NKAIN3: variants seen among roughly 807,000 people sequenced by gnomAD.
The protein encoded by NKAIN3 is sodium/potassium transporting ATPase interacting 3.
In NKAIN3, 25 loss-of-function variants were observed where a neutral mutation model predicts 30.2. That is an observed-to-expected ratio of 0.83 (90% CI 0.60 to 1.16). The LOEUF is 1.16. Ranked by LOEUF, NKAIN3 falls within the 50% of genes most tolerant of loss-of-function variation. The pLI is 0.00. For missense variants in NKAIN3, 225 were observed against 254.1 expected (o/e 0.89, Z 0.78); for synonymous variants, 91 against 89.6 (o/e 1.02, Z -0.09).
chr8:62,356,360 T>C lies in NKAIN3; in HGVS notation c.54+107233T>C, dbSNP rs543358983. 7.2e-5 allele frequency among the ~76,000 whole-genome samples: 11 copies of C among 152,294 alleles called. No homozygotes were observed. In the South Asian group the frequency reaches 2.1e-3, roughly 29 times the overall value. On this transcript the variant is annotated intron_variant, in intron 1 of 6. Coordinates refer to ENST00000623646, the MANE Select transcript of NKAIN3 (RefSeq NM_001304533.3). The stretch of plus-strand genomic sequence containing the variant: ...TACTGCTGGTGTCTGAGAGTAGTTA[T>C]GAGTGTTAGATAAAATAATGAATAT...
chr8:62,720,070 G>A (rs1321975906), intron 3 of NKAIN3, among the ~76,000 whole-genome samples: 1 of 151,504 alleles, frequency 6.6e-6, no homozygotes, highest in East Asian at 1.9e-4. Flanking sequence ...ATTTCTATCA[G>A]ATGCAAGAAT....
chr8:62,302,398 T>C (rs1190728018), intron 1 of NKAIN3, among the ~76,000 whole-genome samples: 1 of 152,122 alleles, frequency 6.6e-6, no homozygotes, highest in Non-Finnish European at 1.5e-5. Context: ...ACATCGTTTC[T>C]AGCTCCTATA....
Position 62,317,241 on chromosome 8 carries a change from A to G in NKAIN3, c.54+68114A>G, listed in dbSNP as rs141391141. 7.3e-3 allele frequency among the ~76,000 whole-genome samples: 1,113 copies of G among 152,204 alleles called. 12 individuals carry two copies. Among genetic ancestry groups the G allele is most frequent in the African/African-American group, 0.025 (1,056 of 41,526 alleles). On this transcript the variant is annotated intron_variant, in intron 1 of 6. Coordinates refer to ENST00000623646, the MANE Select transcript of NKAIN3 (RefSeq NM_001304533.3). ...CTGTAGGTTGCATGTTCACTCTTATAGTAGTTTCTTTTGCCGTGCAGAAGC... is the reference window on the plus strand; with the variant it reads ...CTGTAGGTTGCATGTTCACTCTTATGGTAGTTTCTTTTGCCGTGCAGAAGC...
intron 3 of NKAIN3, among the ~76,000 whole-genome samples, chr8:62,598,296 T>C (rs1001716389): frequency 3.3e-5 from 5 of 151,946 alleles, no homozygotes; most frequent in African/African-American, 1.2e-4. Context: ...TAGTCTTCTG[T>C]GTGTTCTGCC....
intron 4 of NKAIN3, among the ~76,000 whole-genome samples, chr8:62,868,280 C>G (rs1197209520): frequency 6.6e-6 from 1 of 151,916 alleles, no homozygotes; most frequent in Admixed American, 6.6e-5. Context: ...TTTCATCATA[C>G]TGATGGTATA....
intron 1 of NKAIN3, among the ~76,000 whole-genome samples, chr8:62,434,907 T>C (rs1250398906): frequency 6.6e-6 from 1 of 152,176 alleles, no homozygotes; most frequent in Non-Finnish European, 1.5e-5. Context: ...CCTTGAGTTT[T>C]TGCAGAACAT....
chr8:62,387,793 C>T (rs1817473946), intron 1 of NKAIN3, among the ~76,000 whole-genome samples: 1 of 152,124 alleles, frequency 6.6e-6, no homozygotes, highest in Non-Finnish European at 1.5e-5. Flanking sequence ...CTGTAATATT[C>T]CATGAGTCTA....
chr8:62,864,371 C>T (rs1260932925), intron 4 of NKAIN3, among the ~76,000 whole-genome samples: 3 of 152,182 alleles, frequency 2.0e-5, no homozygotes, highest in East Asian at 3.9e-4. Flanking sequence ...AACATAGACC[C>T]TACGTGGATA....
At chr8:62,662,271 C>G (rs1177748683) in intron 3 of NKAIN3, among the ~76,000 whole-genome samples, 1 of 152,194 alleles carries the variant, frequency 6.6e-6, no homozygotes, top group Non-Finnish European at 1.5e-5. Flanking sequence ...CTGGCTCTCA[C>G]CAGACTGTCC....
intron 4 of NKAIN3, among the ~76,000 whole-genome samples, chr8:62,755,597 G>A (rs919815655): frequency 6.6e-6 from 1 of 151,668 alleles, no homozygotes; most frequent in South Asian, 2.1e-4. Context: ...AAGAAATCAT[G>A]ACCAACCTCT....
At chr8:62,845,289 A>T (rs201295020) in intron 4 of NKAIN3, among the ~76,000 whole-genome samples, 1 of 110,400 alleles carries the variant, frequency 9.1e-6, no homozygotes, top group East Asian at 2.7e-4. Context: ...AGTAGATTAT[A>T]TATATATATA....
chr8:62,351,431 C>T (rs186792519), intron 1 of NKAIN3, among the ~76,000 whole-genome samples: 121 of 149,650 alleles, frequency 8.1e-4, no homozygotes, highest in African/African-American at 2.9e-3. Flanking sequence ...TATTTTTGAT[C>T]TTCATTTGGT....
intron 1 of NKAIN3, among the ~76,000 whole-genome samples, chr8:62,543,702 C>A (rs557158272): frequency 1.4e-3 from 209 of 152,248 alleles, no homozygotes; most frequent in African/African-American, 4.8e-3. Flanking sequence ...TTGGCAAAAT[C>A]TTTGCCAATG....
At chr8:62,688,535 A>C (rs1169505408) in intron 3 of NKAIN3, among the ~76,000 whole-genome samples, 2 of 152,200 alleles carry the variant, frequency 1.3e-5, no homozygotes, top group African/African-American at 4.8e-5. Context: ...ATCCTGGAAT[A>C]AACCCTGGTA....
At chr8:62,573,663 A>G (rs988406697) in intron 1 of NKAIN3, among the ~76,000 whole-genome samples, 2 of 152,070 alleles carry the variant, frequency 1.3e-5, no homozygotes, top group African/African-American at 4.8e-5. Context: ...TTTTAGAAAT[A>G]ATTCCACTGT....
intron 1 of NKAIN3, among the ~76,000 whole-genome samples, chr8:62,445,983 G>A (rs1048608315): frequency 1.4e-4 from 22 of 152,184 alleles, no homozygotes; most frequent in African/African-American, 5.3e-4. Context: ...TGCCATGGTA[G>A]CAGTTTAGAG....
chr8:62,868,432 T>C (rs1241882928), intron 4 of NKAIN3, among the ~76,000 whole-genome samples: 1 of 152,158 alleles, frequency 6.6e-6, no homozygotes, highest in Non-Finnish European at 1.5e-5. Flanking sequence ...GGCATTTATC[T>C]GAATAATTCA....
chr8:62,545,458 A>G (rs928924508), intron 1 of NKAIN3, among the ~76,000 whole-genome samples: 2 of 152,076 alleles, frequency 1.3e-5, no homozygotes, highest in African/African-American at 4.8e-5. Context: ...TGTCCCAGCT[A>G]CTCAGGAGGC....
intron 4 of NKAIN3, among the ~76,000 whole-genome samples, chr8:62,825,108 C>G (rs775666430): frequency 6.6e-6 from 1 of 152,134 alleles, no homozygotes; most frequent in Non-Finnish European, 1.5e-5. Flanking sequence ...TGGACCCCAC[C>G]CATTGCCTTA....
Sources: allele counts gnomAD v4.1 joint callset (sites outside exome capture counted in the v4.1 genomes callset), GRCh38; gene constraint gnomAD v4.1.1; transcripts MANE v1.5; gene names NCBI Gene and HGNC (gene_info 2026-07-23, HGNC 2026-07-21).